Variants in ZFX observed in about 807,000 individuals in gnomAD.
The protein encoded by ZFX is zinc finger protein X-linked, also known as zinc finger X-chromosomal protein.
For synonymous variants in ZFX, 196 were observed against 226.8 expected, an observed-to-expected ratio of 0.86 and a Z score of 1.22; for missense variants, 362 against 628.3, an observed-to-expected ratio of 0.58 and a Z score of 4.53.
intron 4 of ZFX, among the ~76,000 whole-genome samples, chrX:24,178,607 C>CAG (rs3079228): frequency 0.45 from 46,773 of 104,096 alleles, 8,019 homozygotes; most frequent in South Asian, 0.78. Context: ...TTTTTTAAAA[C>CAG]AGTCTTGCTT....
intron 5 of ZFX, among the ~76,000 whole-genome samples, chrX:24,180,491 C>T (rs1004451962): frequency 9.2e-6 from 1 of 108,836 alleles, no homozygotes; most frequent in African/African-American, 3.4e-5. Flanking sequence ...AAGTGATTCT[C>T]GTGCCTCAGC....
chrX:24,163,959 GTTTTCTTT>G (rs1362415093), intron 3 of ZFX, among the ~76,000 whole-genome samples: 1 of 101,971 alleles, frequency 9.8e-6, no homozygotes. Context: ...CATACAAGTT[GTTTTCTTT>G]TTTTCTGTTT....
At chrX:24,203,345 T>G (rs1346098952) in intron 5 of ZFX, among the ~76,000 whole-genome samples, 1 of 112,063 alleles carries the variant, frequency 8.9e-6, no homozygotes, top group African/African-American at 3.2e-5. Context: ...GATCTACCTT[T>G]CCAAGGCCAG....
chrX:24,163,733 G>T (rs1232776072), intron 3 of ZFX, among the ~76,000 whole-genome samples: 1 of 105,420 alleles, frequency 9.5e-6, no homozygotes, highest in African/African-American at 3.5e-5. Context: ...ATTTTGTCCA[G>T]GCTGGTCTTG....
chrX:24,180,195 G>T (rs1313310330), intron 5 of ZFX, among the ~76,000 whole-genome samples: 2 of 109,116 alleles, frequency 1.8e-5, no homozygotes, highest in Admixed American at 2.0e-4. Context: ...TTGTGCTACT[G>T]CACTTCAGCC....
chrX:24,149,713 A>C (rs1481215738), upstream of ZFX: 1 of 108,567 alleles, frequency 9.2e-6, no homozygotes, highest in Non-Finnish European at 1.9e-5. Context: ...CCGCCCCACC[A>C]GCCGGAGCCC....
intron 5 of ZFX, among the ~76,000 whole-genome samples, chrX:24,183,457 G>A (rs1039717064): frequency 3.6e-5 from 4 of 111,525 alleles, no homozygotes; most frequent in Non-Finnish European, 7.5e-5. Flanking sequence ...AAAGTGCTGG[G>A]ATTACGGACG....
chrX:24,195,659 C>T (rs746685509), intron 5 of ZFX, among the ~76,000 whole-genome samples: 3 of 111,331 alleles, frequency 2.7e-5, no homozygotes, highest in South Asian at 7.5e-4. Flanking sequence ...CCGGCGTGCC[C>T]GGCTAATTTT....
At chrX:24,172,506 G>T (rs754756752) in intron 3 of ZFX, among the ~76,000 whole-genome samples, 1 of 112,300 alleles carries the variant, frequency 8.9e-6, no homozygotes, top group Admixed American at 9.4e-5. Flanking sequence ...AGGCAAAGTT[G>T]ACTTGTTTAT....
chrX:24,207,513 A>G (rs1174580646), intron 6 of ZFX, 38 bp downstream of exon 6: 1 of 1,187,854 alleles, frequency 8.4e-7, no homozygotes, highest in Admixed American at 2.3e-5. Context: ...ATCCTCATCC[A>G]AATGTTTCAG....
At chrX:24,170,594 AT>A (rs57581303) in intron 3 of ZFX, among the ~76,000 whole-genome samples, 33,790 of 99,823 alleles carry the variant, frequency 0.34, 5,333 homozygotes, top group South Asian at 0.76. Flanking sequence ...ATTTGCTTTA[AT>A]TTTTTTTCTT....
At position 24,178,588 on chromosome X, in the gene ZFX, C is replaced by CT. The variant is rs770391725; in HGVS notation, c.59-581dup. Among the ~76,000 whole-genome samples, 469 of 82,763 alleles carry CT rather than the reference C, an allele frequency of 5.7e-3. 1 individual carries two copies. The highest frequency in any genetic ancestry group is 0.011 in the South Asian group (11 of 995). The allele number at this position is 82,763 out of a possible 115,157, so 71.9% of individuals were successfully genotyped here. On this transcript the variant is annotated intron_variant, in intron 4 of 9. Coordinates refer to ENST00000304543, the MANE Select transcript of ZFX (RefSeq NM_003410.4). ...ACAGGACTGAGCCAGCGCGCCTGGC[C>CT]TTTTTTTTTTTTTTAAAACAGTCTT...
At chrX:24,193,366 A>G (rs1415556490) in intron 5 of ZFX, among the ~76,000 whole-genome samples, 2 of 112,215 alleles carry the variant, frequency 1.8e-5, no homozygotes, top group Non-Finnish European at 3.8e-5. Flanking sequence ...GATTCCATCT[A>G]TGTGAAATGT....
In ZFX at chrX:24,207,245, A is replaced by ATTTTTT; in HGVS notation, c.647-69_647-64dup. On this transcript the variant is annotated intron_variant, in intron 5 of 9. Transcript: ENST00000304543. ...GTGAGACTCCGTCTCAAAAAAAAAAATTTTTTTTTTTTTTTTTGCGAATAG... is the reference window on the plus strand; with the variant it reads ...GTGAGACTCCGTCTCAAAAAAAAAAATTTTTTTTTTTTTTTTTTTTTTTGCGAATAG... The ATTTTTT allele has an allele frequency of 2.6e-5, 20 of 758,713 alleles. 2 individuals carry two copies. Among genetic ancestry groups the ATTTTTT allele is most frequent in the South Asian group, 3.3e-5 (1 of 29,901 alleles). 62.5% of individuals were successfully genotyped at this position (758,713 alleles called of 1,213,427 possible). A position where few individuals can be genotyped will look rare whatever the true frequency, so the allele number is the denominator to read the frequency against.
Position 24,208,272 on chromosome X carries a change from ATGC to A in ZFX, c.999_1001del (p.Ala341del), listed in dbSNP as rs750036944. On this transcript the variant is annotated inframe_deletion, in exon 8 of 10. Coordinates refer to ENST00000304543, the MANE Select transcript of ZFX (RefSeq NM_003410.4). ...ATGGAAGTGATCGTAGGAGAGGAGG[ATGC>A]TGCAGCAGCAGCGGCAGCCGCCGCC... 3 of 1,210,504 alleles carry A rather than the reference ATGC, an allele frequency of 2.5e-6. No homozygotes were observed. In the African/African-American group the frequency reaches 5.2e-5, roughly 21 times the overall value.
chrX:24,203,695 A>T (rs1937454707), intron 5 of ZFX, among the ~76,000 whole-genome samples: 1 of 111,024 alleles, frequency 9.0e-6, no homozygotes, highest in African/African-American at 3.3e-5. Context: ...GCCACCCTTT[A>T]CCCTCACATT....
intron 4 of ZFX, chrX:24,173,467 A>C: frequency 1.1e-6 from 1 of 917,619 alleles, no homozygotes; most frequent in Non-Finnish European, 1.4e-6. Flanking sequence ...CATAGTGTAC[A>C]AGGAAAAATT....
intron 5 of ZFX, among the ~76,000 whole-genome samples, chrX:24,200,372 A>G (rs980571545): frequency 7.2e-5 from 8 of 111,804 alleles, no homozygotes; most frequent in Admixed American, 6.7e-4. Context: ...AGCCACATTT[A>G]GCTACATAGG....
At chrX:24,195,848 G>C (rs916632791) in intron 5 of ZFX, among the ~76,000 whole-genome samples, 3 of 112,396 alleles carry the variant, frequency 2.7e-5, no homozygotes, top group African/African-American at 9.7e-5. Context: ...GTCCTGTTGT[G>C]ATAGCTGACA....
Sources: gnomAD v4.1 joint callset for allele counts (sites outside exome capture counted in the v4.1 genomes callset) on GRCh38, gnomAD v4.1.1 for gene constraint, MANE v1.5 for transcripts, NCBI Gene and HGNC (gene_info 2026-07-23, HGNC 2026-07-21) for gene names.